ADGRL3: variants seen among roughly 807,000 people sequenced by gnomAD.
ADGRL3 encodes calcium-independent alpha-latrotoxin receptor 3.
In ADGRL3, 62 loss-of-function variants were observed where a neutral mutation model predicts 153.5. The ratio of observed to expected loss-of-function variants is 0.40; its 90% CI spans 0.33 to 0.50. ADGRL3 has a LOEUF of 0.50. Among genes scored for constraint, ADGRL3 ranks in the 20% least tolerant of loss-of-function variants. The probability of loss-of-function intolerance (pLI) is 0.47; values close to 1 mark genes in which losing one functional copy is unlikely to be tolerated. For synonymous variants in ADGRL3, 710 were observed against 672.5 expected (o/e 1.06, Z -0.86); for missense variants, 1,641 against 1,859.4 (o/e 0.88, Z 2.16).
chr4:61,283,905 G>A (rs1430292420), intron 1 of ADGRL3, among the ~76,000 whole-genome samples: 1 of 151,830 alleles, frequency 6.6e-6, no homozygotes, highest in Non-Finnish European at 1.5e-5. Flanking sequence ...TCTTTACATT[G>A]AAATGATTTA....
chr4:61,859,260 A>T (rs72638580), intron 9 of ADGRL3, among the ~76,000 whole-genome samples: 1,982 of 152,270 alleles, frequency 0.013, 27 homozygotes, highest in Middle Eastern at 0.048. Context: ...TAAAACCTGA[A>T]GTTGTGGGCT....
intron 13 of ADGRL3, among the ~76,000 whole-genome samples, chr4:61,927,534 G>T (rs2098799591): frequency 6.6e-6 from 1 of 151,974 alleles, no homozygotes; most frequent in South Asian, 2.1e-4. Flanking sequence ...AATATAAAAG[G>T]TAGTTCAGAG....
intron 1 of ADGRL3, among the ~76,000 whole-genome samples, chr4:61,287,787 G>A (rs1235226132): frequency 6.6e-6 from 1 of 151,844 alleles, no homozygotes; most frequent in Admixed American, 6.6e-5. Context: ...ACTCAATCAA[G>A]GCTTATCCCT....
intron 19 of ADGRL3, among the ~76,000 whole-genome samples, chr4:61,987,225 G>A (rs1037431540): frequency 6.6e-6 from 1 of 151,356 alleles, no homozygotes; most frequent in Non-Finnish European, 1.5e-5. Flanking sequence ...GAGTGCAATG[G>A]CACGATCTTG....
At chr4:61,627,420 A>G (rs1230302571) in intron 5 of ADGRL3, among the ~76,000 whole-genome samples, 3 of 152,104 alleles carry the variant, frequency 2.0e-5, no homozygotes, top group African/African-American at 4.8e-5. Flanking sequence ...CCGATGACCA[A>G]CCATGGTCTG....
intron 3 of ADGRL3, among the ~76,000 whole-genome samples, chr4:61,507,984 T>C (rs1455484473): frequency 6.6e-6 from 1 of 152,142 alleles, no homozygotes; most frequent in Non-Finnish European, 1.5e-5. Flanking sequence ...ATTCTAAAGG[T>C]TTTTTGTTAC....
intron 6 of ADGRL3, among the ~76,000 whole-genome samples, chr4:61,697,515 C>T (rs78396314): frequency 0.036 from 5,386 of 149,174 alleles, 309 homozygotes; most frequent in East Asian, 0.17. Flanking sequence ...GCCAAGATCA[C>T]GCCATTACAC....
intron 5 of ADGRL3, among the ~76,000 whole-genome samples, chr4:61,598,983 G>C (rs897436307): frequency 1.1e-4 from 16 of 152,112 alleles, no homozygotes; most frequent in African/African-American, 3.9e-4. Context: ...CTTAGCTTTT[G>C]CTCTCTGAAG....
intron 19 of ADGRL3, among the ~76,000 whole-genome samples, chr4:61,990,681 A>G (rs1014488700): frequency 1.3e-5 from 2 of 151,942 alleles, no homozygotes; most frequent in Non-Finnish European, 1.5e-5. Context: ...TCTGTGCATT[A>G]TATACAGCAT....
chr4:61,847,590 ATATATATAATATATAATATAT>A (rs2098131960), intron 9 of ADGRL3, among the ~76,000 whole-genome samples: 1 of 93,146 alleles, frequency 1.1e-5, no homozygotes, highest in African/African-American at 4.5e-5. Context: ...GTGTGTGTAT[ATATATATAATATATAATATAT>A]TATATATATA....
chr4:61,663,405 A>G (rs546255263), intron 5 of ADGRL3, among the ~76,000 whole-genome samples: 9 of 152,312 alleles, frequency 5.9e-5, no homozygotes, highest in Middle Eastern at 3.4e-3. Context: ...TGGTCCAGCC[A>G]CAGCCTCGCT....
intron 1 of ADGRL3, among the ~76,000 whole-genome samples, chr4:61,311,128 T>C (rs1436152082): frequency 1.3e-5 from 2 of 152,066 alleles, no homozygotes; most frequent in Admixed American, 1.3e-4. Flanking sequence ...AATCCTAATA[T>C]TTTTAGTATA....
At chr4:61,235,049 C>G (rs1368737517) in intron 1 of ADGRL3, among the ~76,000 whole-genome samples, 1 of 152,076 alleles carries the variant, frequency 6.6e-6, no homozygotes, top group Non-Finnish European at 1.5e-5. Flanking sequence ...TGGAAATGAG[C>G]CTCTTTTCTC....
At chr4:61,391,597 G>T (rs2096802816) in intron 2 of ADGRL3, among the ~76,000 whole-genome samples, 1 of 151,820 alleles carries the variant, frequency 6.6e-6, no homozygotes, top group South Asian at 2.1e-4. Flanking sequence ...CCAAGTGTGG[G>T]ATTGCTGGTC....
At chr4:61,976,486 G>A (rs1407912377) in intron 17 of ADGRL3, among the ~76,000 whole-genome samples, 1 of 152,160 alleles carries the variant, frequency 6.6e-6, no homozygotes, top group African/African-American at 2.4e-5. Flanking sequence ...CAAGTGATAA[G>A]GAGTAAGGGG....
intron 4 of ADGRL3, among the ~76,000 whole-genome samples, chr4:61,572,418 G>C (rs1021614303): frequency 2.6e-5 from 4 of 151,970 alleles, no homozygotes; most frequent in Admixed American, 1.3e-4. Flanking sequence ...ATTTTGTTCT[G>C]TGTACCAGTT....
At chr4:61,625,153 C>G (rs982797906) in intron 5 of ADGRL3, among the ~76,000 whole-genome samples, 3 of 151,928 alleles carry the variant, frequency 2.0e-5, no homozygotes, top group African/African-American at 7.2e-5. Flanking sequence ...TGTTTTTCAT[C>G]CAGCCAAATC....
intron 6 of ADGRL3, among the ~76,000 whole-genome samples, chr4:61,712,146 C>G (rs1335514257): frequency 3.9e-5 from 6 of 152,006 alleles, no homozygotes; most frequent in Non-Finnish European, 7.4e-5. Flanking sequence ...ATAATCCTAG[C>G]ACTTTGGGAA....
chr4:61,353,166 A>C (rs2151357485), intron 1 of ADGRL3, among the ~76,000 whole-genome samples: 1 of 152,270 alleles, frequency 6.6e-6, no homozygotes, highest in South Asian at 2.1e-4. Context: ...TGCTATTTTG[A>C]ATAAGTAAAT....
Sources: gnomAD v4.1 joint callset for allele counts (sites outside exome capture counted in the v4.1 genomes callset) on GRCh38, gnomAD v4.1.1 for gene constraint, MANE v1.5 for transcripts, NCBI Gene and HGNC (gene_info 2026-07-23, HGNC 2026-07-21) for gene names.